VAV2: variants seen among roughly 807,000 people sequenced by gnomAD.
VAV2 encodes the protein guanine nucleotide exchange factor VAV2.
A neutral mutation model predicts 132.5 loss-of-function variants in VAV2; 67 were observed. The ratio of observed to expected loss-of-function variants is 0.51; its 90% CI spans 0.42 to 0.62. The LOEUF (loss-of-function observed/expected upper bound fraction) is 0.62. Among genes scored for constraint, VAV2 ranks in the 20% least tolerant of loss-of-function variants. VAV2 has a pLI of 0.00. For synonymous variants in VAV2, 492 were observed against 443.5 expected (o/e 1.11, Z -1.37); for missense variants, 938 against 1,153.6 (o/e 0.81, Z 2.71).
At chr9:133,962,626 C>G (rs970600442) in intron 1 of VAV2, among the ~76,000 whole-genome samples, 5 of 152,188 alleles carry the variant, frequency 3.3e-5, no homozygotes, top group African/African-American at 1.2e-4. Context: ...CCCCGCCCCA[C>G]CCCCCACAAA....
intron 3 of VAV2, among the ~76,000 whole-genome samples, chr9:133,856,980 A>T (rs1485630734): frequency 1.3e-5 from 2 of 152,232 alleles, no homozygotes; most frequent in Non-Finnish European, 2.9e-5. Context: ...CGATGCACAG[A>T]CACAGAGCAA....
chr9:133,921,255 C>T (rs1184360759), intron 2 of VAV2, among the ~76,000 whole-genome samples: 1 of 152,192 alleles, frequency 6.6e-6, no homozygotes, highest in Non-Finnish European at 1.5e-5. Flanking sequence ...TACCACTCCA[C>T]CCCTGCACCT....
chr9:133,943,350 G>A lies in VAV2; in HGVS notation c.205-4131C>T, dbSNP rs184471229. 8.9e-4 allele frequency among the ~76,000 whole-genome samples: 136 copies of A among 152,320 alleles called. 1 individual carries two copies. The highest frequency in any genetic ancestry group is 3.1e-3 in the African/African-American group (130 of 41,570). On this transcript the variant is annotated intron_variant, in intron 1 of 29. Coordinates refer to ENST00000371850, the MANE Select transcript of VAV2 (RefSeq NM_001134398.2). ...GGGCCCACTGAGGACACAGGCCGAGGGACAGTGGCAAAGGGAGGCCCAGAT... is the reference window on the plus strand; with the variant it reads ...GGGCCCACTGAGGACACAGGCCGAGAGACAGTGGCAAAGGGAGGCCCAGAT...
chr9:133,896,217 G>T (rs181243064), intron 2 of VAV2, among the ~76,000 whole-genome samples: 19 of 152,348 alleles, frequency 1.2e-4, no homozygotes, highest in African/African-American at 4.6e-4. Flanking sequence ...CACTTTGGGA[G>T]CGCGAGGCAT....
At chr9:133,945,735 C>T (rs2519799) in intron 1 of VAV2, among the ~76,000 whole-genome samples, 110,307 of 152,158 alleles carry the variant, frequency 0.72, 40,115 homozygotes, top group East Asian at 0.8. Flanking sequence ...CCATGTAGAT[C>T]GTCACCAACA....
chr9:133,793,613 G>C (rs1834589329), intron 12 of VAV2, among the ~76,000 whole-genome samples: 1 of 152,154 alleles, frequency 6.6e-6, no homozygotes, highest in African/African-American at 2.4e-5. Context: ...CGGCCCCTGC[G>C]TGCACCTGGC....
At position 133,824,201 on chromosome 9, in the gene VAV2, A is replaced by C. The variant is rs1381448371; in HGVS notation, c.449+10071T>G. ...CAGGGAAGTGCTGATGGCTCTGTTA[A>C]CAGGGAAGGTGCGGACAGGGAGCTC... On this transcript the variant is annotated intron_variant, in intron 4 of 29. Transcript: ENST00000371850. The surrounding 1 kb of genome is among the most constrained non-coding windows in gnomAD (Gnocchi z 5.2). Among the ~76,000 whole-genome samples the C allele has an allele frequency of 6.6e-6, 1 of 151,994 alleles. No homozygotes were observed. Among genetic ancestry groups the C allele is most frequent in the Non-Finnish European group, 1.5e-5 (1 of 67,994 alleles).
At chr9:133,902,277 G>T (rs1839475496) in intron 2 of VAV2, among the ~76,000 whole-genome samples, 1 of 152,210 alleles carries the variant, frequency 6.6e-6, no homozygotes, top group South Asian at 2.1e-4. Flanking sequence ...ACAGGGCCTG[G>T]GACATGTCAG....
chr9:133,793,127 C>T (rs550315854), intron 12 of VAV2, among the ~76,000 whole-genome samples: 2 of 152,142 alleles, frequency 1.3e-5, no homozygotes, highest in Admixed American at 1.3e-4. Context: ...TGGCCACCCC[C>T]ACTCCGGCGC....
intron 3 of VAV2, among the ~76,000 whole-genome samples, chr9:133,860,702 C>G (rs1482114721): frequency 6.6e-6 from 1 of 152,170 alleles, no homozygotes; most frequent in African/African-American, 2.4e-5. Flanking sequence ...TCCCAAGGGT[C>G]TCCCAGACAC....
intron 1 of VAV2, among the ~76,000 whole-genome samples, chr9:133,957,275 G>GT (rs140302473): frequency 0.14 from 20,709 of 152,048 alleles, 1,977 homozygotes; most frequent in Non-Finnish European, 0.21. Flanking sequence ...AAACGGGTTT[G>GT]TTTTTTTCTC....
Position 133,806,120 on chromosome 9 carries a change from C to A in VAV2, c.797G>T (p.Gly266Val). 1.2e-6 allele frequency: 2 copies of A among 1,612,942 alleles called. No homozygotes were observed. Among genetic ancestry groups the A allele is most frequent in the South Asian group, 2.2e-5 (2 of 91,036 alleles). Reference protein sequence around the residue: ...RAIDVSVMVGGSTLAKVFLDF... With the variant: ...RAIDVSVMVGVSTLAKVFLDF... The stretch of plus-strand genomic sequence containing the variant: ...GAGGAAGACCTTGGCCAGCGTGCTG[C>A]CCCCCACCATCACGGACACGTCGAT... Residue 266 changes from glycine (G) to valine (V), a missense_variant, in exon 9 of 30, where the codon GGC (glycine) becomes GTC (valine). Transcript: ENST00000371850.
chr9:133,893,102 C>G (rs1452625385), intron 2 of VAV2, among the ~76,000 whole-genome samples: 4 of 152,214 alleles, frequency 2.6e-5, no homozygotes, highest in African/African-American at 9.6e-5. Context: ...GGTCCAAGAT[C>G]TATGGCTCTG....
intron 1 of VAV2, among the ~76,000 whole-genome samples, chr9:133,968,569 T>A (rs1485928031): frequency 1.3e-5 from 2 of 151,458 alleles, no homozygotes; most frequent in Non-Finnish European, 2.9e-5. Context: ...CATGGGGCCA[T>A]CCCCGGGGGC....
At chr9:133,887,946 G>A (rs1339536061) in intron 2 of VAV2, among the ~76,000 whole-genome samples, 2 of 152,228 alleles carry the variant, frequency 1.3e-5, no homozygotes, top group Non-Finnish European at 2.9e-5. Flanking sequence ...AGCGTCCACA[G>A]AAGGCAGCCA....
At chr9:133,817,360 G>A (rs7026295) in intron 4 of VAV2, among the ~76,000 whole-genome samples, 26,948 of 152,142 alleles carry the variant, frequency 0.18, 2,577 homozygotes, top group African/African-American at 0.24. Flanking sequence ...TATTTGAAGT[G>A]TGTAACTTCC....
At chr9:133,861,557 A>G in intron 2 of VAV2, 125 bp from the exon 3 acceptor site, 1 of 1,023,108 alleles carries the variant, frequency 9.8e-7, no homozygotes, top group Non-Finnish European at 1.4e-6. Context: ...TCTGGGTAAG[A>G]AACACGGCAT....
At chr9:133,774,564 C>T (rs779925353) in intron 25 of VAV2, among the ~76,000 whole-genome samples, 3 of 152,208 alleles carry the variant, frequency 2.0e-5, no homozygotes, top group Non-Finnish European at 4.4e-5. Context: ...CAGAGCAGCA[C>T]GACAGGTCCA....
chr9:133,806,737 G>A (rs550922878), intron 8 of VAV2, among the ~76,000 whole-genome samples: 90 of 152,338 alleles, frequency 5.9e-4, no homozygotes, highest in Non-Finnish European at 9.6e-4. Flanking sequence ...CCACCGCACG[G>A]GCTGCTGGCA....
Sources: gnomAD v4.1 joint callset for allele counts (sites outside exome capture counted in the v4.1 genomes callset) on GRCh38, gnomAD v4.1.1 for gene constraint, Gnocchi (gnomAD v3.1) non-coding constraint, MANE v1.5 for transcripts, NCBI Gene and HGNC (gene_info 2026-07-23, HGNC 2026-07-21) for gene names.